Variants in CBLN2 observed in about 807,000 individuals in gnomAD.
CBLN2 encodes the protein cerebellin-2.
CBLN2 carries 7 observed loss-of-function variants against 15.0 expected under a neutral mutation model. The observed-to-expected ratio is 0.47, with a 90% CI of 0.27 to 0.88. The LOEUF (loss-of-function observed/expected upper bound fraction) is 0.88, where lower values mean the gene tolerates loss of function less well. Among genes scored for constraint, CBLN2 ranks in the 40% least tolerant of loss-of-function variants. The pLI, the probability that CBLN2 is intolerant of heterozygous loss-of-function variation, is 0.14. For synonymous variants in CBLN2, 149 were observed against 135.2 expected, an observed-to-expected ratio of 1.10 and a Z score of -0.71; for missense variants, 242 against 304.5, an observed-to-expected ratio of 0.79 and a Z score of 1.53.
chr18:72,537,861 A>G lies in CBLN2; in HGVS notation c.*315T>C, dbSNP rs1446626536. ...CGACAATACAACATACAAACAAAAGAGGTCCATGGTCCCAACAATAAAATC... is the reference window on the plus strand; with the variant it reads ...CGACAATACAACATACAAACAAAAGGGGTCCATGGTCCCAACAATAAAATC... On this transcript the variant is annotated 3_prime_UTR_variant, in exon 5 of 5. Coordinates refer to ENST00000269503, the MANE Select transcript of CBLN2 (RefSeq NM_182511.4). 7.8e-6 allele frequency: 3 copies of G among 384,464 alleles called. No homozygotes were observed. The Admixed American group carries it at 1.3e-4, about 16-fold the overall frequency. 23.8% of individuals were successfully genotyped at this position (384,464 alleles called of 1,614,324 possible).
chr18:72,538,234 T>C lies in CBLN2; in HGVS notation c.617A>G (p.Asn206Ser). The C allele has an allele frequency of 1.2e-6, 2 of 1,614,074 alleles. No individual in the cohort carries two copies. The highest frequency in any genetic ancestry group is 1.7e-6 in the Non-Finnish European group (2 of 1,180,004). The stretch of plus-strand genomic sequence containing the variant: ...GGAGTATTTCCAGCCCCCCATGAGG[T>C]TGCCTCTCTCAAGTTTGAGATGCAC... ...DKVHLKLERG[N>S]LMGGWKYSTF... Residue 206 changes from asparagine to serine, a missense_variant, in exon 5 of 5, where the codon AAC becomes AGC. Coordinates refer to ENST00000269503, the MANE Select transcript of CBLN2 (RefSeq NM_182511.4).
At position 72,542,204 on chromosome 18, in the gene CBLN2, G is replaced by A. The variant is rs1028480153; in HGVS notation, c.-44C>T. Reference sequence around the variant, plus strand: ...GCGCGCGGGGGTGGAGGCCGGCGCCGGCGCGAGCGGCGCGGAAGGGCGCGA... The same window carrying A: ...GCGCGCGGGGGTGGAGGCCGGCGCCAGCGCGAGCGGCGCGGAAGGGCGCGA... On this transcript the variant is annotated 5_prime_UTR_variant, in exon 3 of 5. Transcript: ENST00000269503. 1.7e-6 allele frequency: 2 copies of A among 1,159,604 alleles called. No individual in the cohort carries two copies. Among genetic ancestry groups the A allele is most frequent in the Admixed American group, 4.6e-5 (1 of 21,826 alleles). 71.8% of individuals were successfully genotyped at this position (1,159,604 alleles called of 1,614,324 possible). A position where few individuals can be genotyped will look rare whatever the true frequency, so the allele number is the denominator to read the frequency against.
chr18:72,611,966 A>T (rs921475951), intron 1 of CBLN2, among the ~76,000 whole-genome samples: 2 of 152,208 alleles, frequency 1.3e-5, no homozygotes, highest in African/African-American at 4.8e-5. Context: ...ATGGCTGGCC[A>T]GTTATTCCTG....
At chr18:72,599,678 T>C (rs918796880) in intron 1 of CBLN2, among the ~76,000 whole-genome samples, 12 of 152,012 alleles carry the variant, frequency 7.9e-5, no homozygotes, top group Admixed American at 6.6e-4. Context: ...TAGAGAAAAA[T>C]AACAGCATAA....
chr18:72,589,159 G>A (rs2069462187), intron 1 of CBLN2, among the ~76,000 whole-genome samples: 3 of 152,054 alleles, frequency 2.0e-5, no homozygotes, highest in African/African-American at 7.2e-5. Context: ...AATCCTGGAT[G>A]GCCAACGGCA....
intron 3 of CBLN2, among the ~76,000 whole-genome samples, chr18:72,540,690 A>AC (rs1292926755): frequency 6.6e-6 from 1 of 152,182 alleles, no homozygotes; most frequent in African/African-American, 2.4e-5. Context: ...AGAAAAAAAA[A>AC]CCTCAAATAC....
At chr18:72,591,396 G>A (rs1270133330) in intron 1 of CBLN2, among the ~76,000 whole-genome samples, 1 of 151,826 alleles carries the variant, frequency 6.6e-6, no homozygotes, top group Admixed American at 6.6e-5. Flanking sequence ...ATATATTTAT[G>A]GTATACACGA....
chr18:72,552,156 G>A (rs73478230), intron 1 of CBLN2, among the ~76,000 whole-genome samples: 4,110 of 150,354 alleles, frequency 0.027, 192 homozygotes, highest in African/African-American at 0.096. Context: ...GTACGATCTC[G>A]GCTGACTGCA....
intron 1 of CBLN2, among the ~76,000 whole-genome samples, chr18:72,601,780 C>G (rs531848666): frequency 1.3e-5 from 2 of 152,136 alleles, no homozygotes; most frequent in Non-Finnish European, 2.9e-5. Flanking sequence ...AGCCTATAAG[C>G]GGGAGGGGGG....
chr18:72,618,121 TCTA>T, intron 1 of CBLN2: 1 of 156,494 alleles, frequency 6.4e-6, no homozygotes, highest in East Asian at 1.8e-4. Flanking sequence ...TTCTCTCTGT[TCTA>T]CTGAAATTTT....
intron 1 of CBLN2, among the ~76,000 whole-genome samples, chr18:72,617,535 A>G (rs2069670230): frequency 6.6e-6 from 1 of 152,224 alleles, no homozygotes; most frequent in African/African-American, 2.4e-5. Flanking sequence ...AGATCATCCT[A>G]AGAAAGATAA....
chr18:72,566,824 A>T (rs898545469), intron 1 of CBLN2, among the ~76,000 whole-genome samples: 1 of 151,704 alleles, frequency 6.6e-6, no homozygotes, highest in Non-Finnish European at 1.5e-5. Flanking sequence ...TGTTGTTGTT[A>T]TTATTATTAT....
At chr18:72,590,998 C>CT (rs1356442036) in intron 1 of CBLN2, among the ~76,000 whole-genome samples, 2 of 152,166 alleles carry the variant, frequency 1.3e-5, no homozygotes, top group Non-Finnish European at 2.9e-5. Flanking sequence ...AGATAAAGGG[C>CT]TGCTGCTATA....
intron 1 of CBLN2, among the ~76,000 whole-genome samples, chr18:72,614,726 C>A (rs1243330731): frequency 1.3e-5 from 2 of 152,000 alleles, no homozygotes; most frequent in South Asian, 2.1e-4. Flanking sequence ...GGGACTTTGA[C>A]AAATTACTAC....
rs1598988542 is a variant in CBLN2, at chr18:72,541,999, G to A, written c.162C>T (p.Asp54=). 1.2e-6 allele frequency: 2 copies of A among 1,602,846 alleles called. No homozygotes were observed. Among genetic ancestry groups the A allele is most frequent in the Non-Finnish European group, 8.5e-7 (1 of 1,179,060 alleles). ...PACCPVRAQN[D]TEPIVLEGKC... is the part of the protein sequence containing the mutation. ...TGCCCTCCAGCACGATGGGCTCCGT[G>A]TCGTTCTGCGCCCGCACGGGGCAGC... The change falls in exon 3 of 5, where the codon GAC becomes GAT. Residue 54 remains aspartate (D), a synonymous_variant. Coordinates refer to ENST00000269503, the MANE Select transcript of CBLN2 (RefSeq NM_182511.4).
chr18:72,603,146 GTC>G (rs1181152818), intron 1 of CBLN2, among the ~76,000 whole-genome samples: 1 of 152,212 alleles, frequency 6.6e-6, no homozygotes, highest in Non-Finnish European at 1.5e-5. Flanking sequence ...TCTTTCCTCT[GTC>G]CTGTTTCTTT....
At chr18:72,547,624 T>A (rs1029669329), upstream of CBLN2, among the ~76,000 whole-genome samples, 7 of 152,084 alleles carry the variant, frequency 4.6e-5, 1 homozygote, top group East Asian at 1.3e-3. Context: ...CTTTTTATAT[T>A]TGGATTATTT....
In CBLN2 at chr18:72,576,654, T is replaced by C. The variant is rs530185248; in HGVS notation, c.16-37882A>G. 7.2e-5 allele frequency among the ~76,000 whole-genome samples: 11 copies of C among 152,240 alleles called. No homozygotes were observed. The South Asian group carries it at 1.7e-3, about 23-fold the overall frequency. On this transcript the variant is annotated intron_variant, in intron 1 of 2. Transcript: ENST00000581073. ...AGTCAGTTCAGTTCTAAAATCCTTT[T>C]ATTTAGTATCTATTCTGTGCAAGAG...
chr18:72,558,211 A>G lies in CBLN2; in HGVS notation c.16-19439T>C, dbSNP rs973943165. On this transcript the variant is annotated intron_variant, in intron 1 of 2. Transcript: ENST00000581073. ...CAGCTTGACTCTGGAGGGGCTAGAG[A>G]CTAAGGTTAGGCACATGGGGGCTCA... is the stretch of plus-strand genomic sequence containing the variant. Among the ~76,000 whole-genome samples, 6 of 152,186 alleles carry G rather than the reference A, an allele frequency of 3.9e-5. No homozygotes were observed. The South Asian group carries it at 6.2e-4, about 16-fold the overall frequency.
Sources: allele counts gnomAD v4.1 joint callset (sites outside exome capture counted in the v4.1 genomes callset), GRCh38; gene constraint gnomAD v4.1.1; transcripts MANE v1.5; gene names NCBI Gene and HGNC (gene_info 2026-07-23, HGNC 2026-07-21).